The following IL1RAPL2 variants were observed in gnomAD, a reference collection of about 807,000 sequenced individuals.
The protein encoded by IL1RAPL2 is X-linked interleukin-1 receptor accessory protein-like 2.
A neutral mutation model predicts 44.1 loss-of-function variants in IL1RAPL2; 3 were observed. The ratio of observed to expected loss-of-function variants is 0.07; its 90% CI spans 0.03 to 0.18. The LOEUF (loss-of-function observed/expected upper bound fraction) is 0.18, where lower values mean the gene tolerates loss of function less well. Ranked by LOEUF, IL1RAPL2 falls within the 10% of genes least tolerant of loss-of-function variation. IL1RAPL2 has a pLI of 1.00. For missense variants in IL1RAPL2, 391 were observed against 496.4 expected, an observed-to-expected ratio of 0.79 and a Z score of 2.02; for synonymous variants, 181 against 178.8, an observed-to-expected ratio of 1.01 and a Z score of -0.10.
At chrX:104,983,160 T>C (rs186090310) in intron 2 of IL1RAPL2, among the ~76,000 whole-genome samples, 1 of 109,451 alleles carries the variant, frequency 9.1e-6, no homozygotes, top group African/African-American at 3.3e-5. Context: ...ACTAACTTTC[T>C]ACTCATTGGG....
chrX:105,598,243 AAC>A (rs1190476181), intron 6 of IL1RAPL2, among the ~76,000 whole-genome samples: 1 of 110,744 alleles, frequency 9.0e-6, no homozygotes, highest in Non-Finnish European at 1.9e-5. Flanking sequence ...TATAAGTGAA[AAC>A]ACACACACAC....
At chrX:104,689,385 G>T (rs895227741) in intron 2 of IL1RAPL2, among the ~76,000 whole-genome samples, 3 of 111,528 alleles carry the variant, frequency 2.7e-5, no homozygotes, top group Admixed American at 1.9e-4. Context: ...GCTAGTGCAG[G>T]TAGAGCCAGC....
chrX:105,762,982 G>C (rs1217005931), intron 10 of IL1RAPL2, among the ~76,000 whole-genome samples: 1 of 110,769 alleles, frequency 9.0e-6, no homozygotes, highest in Non-Finnish European at 1.9e-5. Context: ...AACCCTATGA[G>C]GGCAAACCCC....
intron 2 of IL1RAPL2, among the ~76,000 whole-genome samples, chrX:104,922,933 T>G (rs769750309): frequency 8.8e-4 from 98 of 110,856 alleles, no homozygotes; most frequent in Non-Finnish European, 1.6e-3. Context: ...ATTGAGGAGA[T>G]AAAAGATTAG....
In IL1RAPL2 at chrX:104,683,845, G is replaced by C. The variant is rs1443197011; in HGVS notation, c.82+24850G>C. Among the ~76,000 whole-genome samples, 24 of 112,013 alleles carry C rather than the reference G, an allele frequency of 2.1e-4. No individual in the cohort carries two copies. The Admixed American group carries it at 2.3e-3, about 11-fold the overall frequency. ...TGGCTTTCCTTCTCATGGAGATTGA[G>C]GTGGGGGTATGTGAATAGTTCTGGG... On this transcript the variant is annotated intron_variant, in intron 2 of 10. Transcript: ENST00000372582.
At chrX:104,894,872 G>A (rs1486729097) in intron 2 of IL1RAPL2, among the ~76,000 whole-genome samples, 4 of 112,227 alleles carry the variant, frequency 3.6e-5, no homozygotes, top group Non-Finnish European at 7.5e-5. Flanking sequence ...CTGATTTTTA[G>A]TATTTTCAGC....
intron 6 of IL1RAPL2, among the ~76,000 whole-genome samples, chrX:105,535,047 T>G (rs1446259138): frequency 8.9e-6 from 1 of 111,839 alleles, no homozygotes; most frequent in Non-Finnish European, 1.9e-5. Flanking sequence ...TCATGTTTGC[T>G]CTGCAAAAGA....
intron 3 of IL1RAPL2, among the ~76,000 whole-genome samples, chrX:105,227,818 CTTTT>C (rs2034031961): frequency 8.9e-6 from 1 of 111,929 alleles, no homozygotes; most frequent in African/African-American, 3.2e-5. Context: ...ACTTTCTTTT[CTTTT>C]TTAATATTTG....
At chrX:105,130,721 A>G (rs1242991675) in intron 2 of IL1RAPL2, among the ~76,000 whole-genome samples, 1 of 111,197 alleles carries the variant, frequency 9.0e-6, no homozygotes, top group East Asian at 2.8e-4. Flanking sequence ...CCATTTTCAC[A>G]TTGACTTTCA....
At chrX:105,746,307 T>TG (rs2038542204) in intron 8 of IL1RAPL2, among the ~76,000 whole-genome samples, 1 of 112,735 alleles carries the variant, frequency 8.9e-6, no homozygotes, top group African/African-American at 3.2e-5. Flanking sequence ...TTGCTGTTCT[T>TG]GCTACAGCTC....
chrX:104,784,244 C>T (rs1932787915), intron 2 of IL1RAPL2, among the ~76,000 whole-genome samples: 1 of 112,163 alleles, frequency 8.9e-6, no homozygotes, highest in Non-Finnish European at 1.9e-5. Context: ...TAGCTTCATG[C>T]AGCAGTGGGT....
At chrX:104,799,987 C>T (rs1474354750) in intron 2 of IL1RAPL2, among the ~76,000 whole-genome samples, 1 of 109,858 alleles carries the variant, frequency 9.1e-6, no homozygotes, top group Non-Finnish European at 1.9e-5. Flanking sequence ...AGTAGTTTGG[C>T]ATGCAAATGT....
intron 2 of IL1RAPL2, among the ~76,000 whole-genome samples, chrX:105,055,762 T>C (rs1475679604): frequency 9.6e-6 from 1 of 104,486 alleles, no homozygotes; most frequent in East Asian, 3.1e-4. Context: ...CCGAAACCAC[T>C]GTAGGAAAAG....
chrX:105,035,353 C>T (rs1378962377), intron 2 of IL1RAPL2, among the ~76,000 whole-genome samples: 3 of 112,075 alleles, frequency 2.7e-5, no homozygotes, highest in Non-Finnish European at 5.6e-5. Flanking sequence ...GAGCTGTAGA[C>T]TGGAGCTGTT....
intron 1 of IL1RAPL2, among the ~76,000 whole-genome samples, chrX:104,605,072 A>G (rs779458127): frequency 1.8e-5 from 2 of 112,070 alleles, no homozygotes; most frequent in South Asian, 7.4e-4. Context: ...TTGGAAGTAA[A>G]ACACTCCTAA....
At chrX:104,574,487 G>T (rs1373586611) in intron 1 of IL1RAPL2, among the ~76,000 whole-genome samples, 1 of 112,066 alleles carries the variant, frequency 8.9e-6, no homozygotes, top group East Asian at 2.8e-4. Flanking sequence ...CATTTCCAAA[G>T]ATTGCATTGG....
At chrX:105,497,192 A>G (rs2147780849) in intron 6 of IL1RAPL2, among the ~76,000 whole-genome samples, 1 of 111,519 alleles carries the variant, frequency 9.0e-6, no homozygotes, top group African/African-American at 3.3e-5. Flanking sequence ...TAGCAGGACA[A>G]AAAATAACAA....
intron 5 of IL1RAPL2, among the ~76,000 whole-genome samples, chrX:105,438,882 T>C (rs1347861078): frequency 9.0e-6 from 1 of 110,653 alleles, no homozygotes; most frequent in African/African-American, 3.3e-5. Context: ...CCCACCCAAA[T>C]CTCATGTGGA....
At chrX:105,349,119 G>T (rs2035133045) in intron 5 of IL1RAPL2, among the ~76,000 whole-genome samples, 2 of 112,090 alleles carry the variant, frequency 1.8e-5, no homozygotes, top group African/African-American at 6.5e-5. Context: ...CAGCAAATTG[G>T]AGTTAATCGT....
Sources: allele counts gnomAD v4.1 joint callset (sites outside exome capture counted in the v4.1 genomes callset), GRCh38; gene constraint gnomAD v4.1.1; transcripts MANE v1.5; gene names NCBI Gene and HGNC (gene_info 2026-07-23, HGNC 2026-07-21).